LHFPL3: variants seen among roughly 807,000 people sequenced by gnomAD.
LHFPL3 encodes LHFPL tetraspan subfamily member 3, also known as LHFPL tetraspan subfamily member 3 protein.
In LHFPL3, 5 loss-of-function variants were observed where a neutral mutation model predicts 19.3. The ratio of observed to expected loss-of-function variants is 0.26; its 90% CI spans 0.14 to 0.54. LHFPL3 has a LOEUF of 0.54. LHFPL3 is among the 20% of genes least tolerant of loss of function. LHFPL3 has a pLI of 0.94. For missense variants in LHFPL3, 249 were observed against 307.4 expected (o/e 0.81, Z 1.42); for synonymous variants, 133 against 126.2 (o/e 1.05, Z -0.36).
chr7:104,593,892 G>C (rs942024077), intron 1 of LHFPL3, among the ~76,000 whole-genome samples: 9 of 151,672 alleles, frequency 5.9e-5, no homozygotes, highest in Non-Finnish European at 1.3e-4. Context: ...CATTCCATTT[G>C]CTTGGTAGAT....
intron 2 of LHFPL3, among the ~76,000 whole-genome samples, chr7:104,841,671 CCT>C (rs1179710036): frequency 6.6e-6 from 1 of 152,060 alleles, no homozygotes; most frequent in Non-Finnish European, 1.5e-5. Context: ...TATCTCTCTA[CCT>C]CTCTTCTCTC....
chr7:104,694,739 T>C (rs4255068), intron 1 of LHFPL3, among the ~76,000 whole-genome samples: 79,557 of 151,988 alleles, frequency 0.52, 21,093 homozygotes, highest in East Asian at 0.59. Context: ...ACCAAGAAAG[T>C]TGGAGGTAAA....
At chr7:104,409,651 G>A (rs1274551025) in intron 1 of LHFPL3, among the ~76,000 whole-genome samples, 1 of 151,946 alleles carries the variant, frequency 6.6e-6, no homozygotes, top group Non-Finnish European at 1.5e-5. Flanking sequence ...AAAAATCTTG[G>A]AAAATACTGA....
chr7:104,746,759 G>C (rs746937289), intron 2 of LHFPL3, among the ~76,000 whole-genome samples: 1 of 152,154 alleles, frequency 6.6e-6, no homozygotes, highest in Non-Finnish European at 1.5e-5. Flanking sequence ...AAAATAAAAA[G>C]AGATAATGCA....
chr7:104,391,967 C>G (rs556104265), intron 1 of LHFPL3, among the ~76,000 whole-genome samples: 16 of 152,258 alleles, frequency 1.1e-4, no homozygotes, highest in African/African-American at 3.9e-4. Flanking sequence ...GGAGTTCACT[C>G]ATGATTTGGC....
At chr7:104,431,052 T>G (rs2891696) in intron 1 of LHFPL3, among the ~76,000 whole-genome samples, 1 of 152,234 alleles carries the variant, frequency 6.6e-6, no homozygotes, top group Non-Finnish European at 1.5e-5. Context: ...GCTCAATTCC[T>G]TCTTATGTAA....
At chr7:104,467,049 C>A (rs1008464794) in intron 1 of LHFPL3, among the ~76,000 whole-genome samples, 3 of 151,966 alleles carry the variant, frequency 2.0e-5, no homozygotes, top group African/African-American at 7.3e-5. Context: ...CATTCGTGCA[C>A]CTTTCTTAAC....
intron 1 of LHFPL3, among the ~76,000 whole-genome samples, chr7:104,418,098 A>G (rs1332153996): frequency 6.6e-6 from 1 of 151,128 alleles, no homozygotes. Flanking sequence ...CTGGTCTCGA[A>G]CTCCTGACCT....
intron 2 of LHFPL3, among the ~76,000 whole-genome samples, chr7:104,745,930 A>T (rs1030493686): frequency 7.9e-5 from 12 of 152,284 alleles, no homozygotes; most frequent in African/African-American, 2.6e-4. Flanking sequence ...CCTCTCATCT[A>T]TATTGGGGAT....
chr7:104,429,507 G>T (rs1791914113), intron 1 of LHFPL3, among the ~76,000 whole-genome samples: 1 of 150,956 alleles, frequency 6.6e-6, no homozygotes. Context: ...GTAGAGATGG[G>T]GTTTTACCAT....
intron 2 of LHFPL3, among the ~76,000 whole-genome samples, chr7:104,834,067 C>T (rs1298552728): frequency 2.0e-5 from 3 of 150,454 alleles, no homozygotes; most frequent in Non-Finnish European, 2.9e-5. Context: ...GGCTGGAAGA[C>T]TAGGCCAGTC....
At chr7:104,787,506 C>T (rs1295845046) in intron 2 of LHFPL3, among the ~76,000 whole-genome samples, 1 of 152,176 alleles carries the variant, frequency 6.6e-6, no homozygotes, top group Admixed American at 6.5e-5. Flanking sequence ...CCATAGATGG[C>T]ATTCTTCTCC....
chr7:104,686,652 G>A (rs1173568490), intron 1 of LHFPL3, among the ~76,000 whole-genome samples: 1 of 152,156 alleles, frequency 6.6e-6, no homozygotes, highest in Non-Finnish European at 1.5e-5. Flanking sequence ...AGTCTCACAA[G>A]ACTGCCCCCC....
At chr7:104,597,573 G>A (rs1790888109) in intron 1 of LHFPL3, among the ~76,000 whole-genome samples, 1 of 152,094 alleles carries the variant, frequency 6.6e-6, no homozygotes, top group Non-Finnish European at 1.5e-5. Flanking sequence ...GTGGGGGGAG[G>A]GGAATGTGAT....
Position 104,424,170 on chromosome 7 carries a change from G to A in LHFPL3, c.445+94946G>A, listed in dbSNP as rs1354660074. On this transcript the variant is annotated intron_variant, in intron 1 of 2. Coordinates refer to ENST00000424859, the MANE Select transcript of LHFPL3 (RefSeq NM_199000.3). ...TTCATATTAAGTTTCTTAAAACTAT[G>A]ACTACTTTACCAAGTGTGAGATTTG... is the stretch of plus-strand genomic sequence containing the variant. Among the ~76,000 whole-genome samples the A allele has an allele frequency of 4.6e-5, 7 of 152,280 alleles. No homozygotes were observed. The East Asian group carries it at 1.3e-3, about 29-fold the overall frequency.
intron 1 of LHFPL3, among the ~76,000 whole-genome samples, chr7:104,513,255 G>A (rs988498562): frequency 6.6e-6 from 1 of 152,124 alleles, no homozygotes; most frequent in Admixed American, 6.6e-5. Context: ...TAGGTAGGAT[G>A]GTAGGGGTGG....
intron 1 of LHFPL3, among the ~76,000 whole-genome samples, chr7:104,713,825 C>G (rs936420879): frequency 6.6e-6 from 1 of 152,074 alleles, no homozygotes; most frequent in Non-Finnish European, 1.5e-5. Flanking sequence ...GAAACTGGAG[C>G]CTTTGGGTAA....
At chr7:104,669,659 A>T in intron 1 of LHFPL3, 2 of 1,328,402 alleles carry the variant, frequency 1.5e-6, no homozygotes, top group Non-Finnish European at 2.1e-6. Context: ...TCCAGACAAG[A>T]CAAAATAAAA....
chr7:104,335,577 C>T (rs1427774380), intron 1 of LHFPL3, among the ~76,000 whole-genome samples: 1 of 152,102 alleles, frequency 6.6e-6, no homozygotes, highest in Non-Finnish European at 1.5e-5. Flanking sequence ...CCATATAACC[C>T]ATACAATATA....
Sources: gnomAD v4.1 joint callset for allele counts (sites outside exome capture counted in the v4.1 genomes callset) on GRCh38, gnomAD v4.1.1 for gene constraint, MANE v1.5 for transcripts, NCBI Gene and HGNC (gene_info 2026-07-23, HGNC 2026-07-21) for gene names.